FA2H: variants seen among roughly 807,000 people sequenced by gnomAD.
FA2H encodes the protein fatty acid alpha-hydroxylase.
In FA2H, 22 loss-of-function variants were observed where a neutral mutation model predicts 44.9. The ratio of observed to expected loss-of-function variants is 0.49; its 90% CI spans 0.35 to 0.70. The LOEUF is 0.70. Among genes scored for constraint, FA2H ranks in the 30% least tolerant of loss-of-function variants. The probability of loss-of-function intolerance (pLI) is 0.01; values close to 1 mark genes in which losing one functional copy is unlikely to be tolerated. For synonymous variants in FA2H, 243 were observed against 213.2 expected (o/e 1.14, Z -1.22); for missense variants, 501 against 504.9 (o/e 0.99, Z 0.07).
rs1275077538 is a variant in FA2H, at chr16:74,716,685, G to A, written c.787-86C>T. On this transcript the variant is annotated intron_variant, in intron 5 of 6. Coordinates refer to ENST00000219368, the MANE Select transcript of FA2H (RefSeq NM_024306.5). Reference sequence around the variant, plus strand: ...CCTGGCCACTCCCTGCAGAGGACAGGGGCACAGCGGCCCAGACATTCCACT... The same window carrying A: ...CCTGGCCACTCCCTGCAGAGGACAGAGGCACAGCGGCCCAGACATTCCACT... The A allele has an allele frequency of 7.7e-6, 11 of 1,433,762 alleles. No individual in the cohort carries two copies. In the South Asian group the frequency reaches 8.4e-5, roughly 11 times the overall value. 88.8% of individuals were successfully genotyped at this position (1,433,762 alleles called of 1,614,324 possible).
intron 1 of FA2H, among the ~76,000 whole-genome samples, chr16:74,745,336 G>A (rs554203752): frequency 1.2e-3 from 180 of 152,336 alleles, no homozygotes; most frequent in Non-Finnish European, 2.3e-3. Context: ...CACAGGCTTG[G>A]CCCTGCCAAT....
At position 74,724,836 on chromosome 16, in the gene FA2H, C is replaced by T. The variant is rs541277234; in HGVS notation, c.613+1389G>A. ...CTCTCCTATAGGTCAAGCCTCTGCC[C>T]GCCCCCTCACCCCAGCATCACCCCT... is the stretch of plus-strand genomic sequence containing the variant. On this transcript the variant is annotated intron_variant, in intron 4 of 6. Coordinates refer to ENST00000219368, the MANE Select transcript of FA2H (RefSeq NM_024306.5). Among the ~76,000 whole-genome samples, 6 of 152,290 alleles carry T rather than the reference C, an allele frequency of 3.9e-5. No homozygotes were observed. The East Asian group carries it at 5.8e-4, about 15-fold the overall frequency.
At chr16:74,717,178 A>G (rs1287534734) in intron 5 of FA2H, 1 of 153,048 alleles carries the variant, frequency 6.5e-6, no homozygotes, top group South Asian at 2.1e-4. Context: ...ACCAGAGAAC[A>G]CCGCTTCACC....
chr16:74,772,330 T>C (rs777204601), intron 1 of FA2H, among the ~76,000 whole-genome samples: 34 of 152,224 alleles, frequency 2.2e-4, no homozygotes, highest in Non-Finnish European at 4.7e-4. Context: ...TCAATGTCGC[T>C]TTCTCAAGAA....
intron 1 of FA2H, among the ~76,000 whole-genome samples, chr16:74,740,914 CA>C (rs887191947): frequency 1.3e-5 from 2 of 152,054 alleles, no homozygotes; most frequent in African/African-American, 2.4e-5. Context: ...CACATACCCA[CA>C]AGAAAGAAAG....
intron 2 of FA2H, among the ~76,000 whole-genome samples, chr16:74,734,121 G>A (rs1018294932): frequency 2.0e-5 from 3 of 152,214 alleles, no homozygotes; most frequent in Admixed American, 6.5e-5. Flanking sequence ...CCCAAGGCTC[G>A]GGGGACAGAG....
intron 6 of FA2H, 57 bp downstream of exon 6, chr16:74,716,290 T>A: frequency 6.3e-7 from 1 of 1,593,750 alleles, no homozygotes. Flanking sequence ...CGATGGTAGT[T>A]GGCAAATAAA....
intron 6 of FA2H, among the ~76,000 whole-genome samples, chr16:74,715,995 T>G (rs1307553249): frequency 2.6e-5 from 4 of 152,044 alleles, no homozygotes; most frequent in Admixed American, 1.3e-4. Flanking sequence ...TTTGTATTTC[T>G]AGTGGAGACA....
At chr16:74,720,180 CTTTTTTTTTTT>C (rs56341013) in intron 4 of FA2H, among the ~76,000 whole-genome samples, 18 of 47,244 alleles carry the variant, frequency 3.8e-4, no homozygotes, top group South Asian at 1.6e-3. Flanking sequence ...CATCCTCATC[CTTTTTTTTTTT>C]TTTTTTTTTT....
At chr16:74,725,885 A>G in intron 4 of FA2H, 1 of 362,432 alleles carries the variant, frequency 2.8e-6, no homozygotes, top group Non-Finnish European at 5.4e-6. Flanking sequence ...AAGTGATTTC[A>G]TTTAGTTTCT....
chr16:74,715,985 T>G (rs1400160236), intron 6 of FA2H, among the ~76,000 whole-genome samples: 1 of 152,026 alleles, frequency 6.6e-6, no homozygotes, highest in Non-Finnish European at 1.5e-5. Context: ...CCCGCTAATT[T>G]TTGTATTTCT....
chr16:74,761,850 AC>A (rs1456459234), intron 1 of FA2H, among the ~76,000 whole-genome samples: 1 of 152,196 alleles, frequency 6.6e-6, no homozygotes, highest in Non-Finnish European at 1.5e-5. Context: ...TTGACTCACA[AC>A]TCCATTGCCA....
At chr16:74,726,361 T>C in intron 3 of FA2H, 30 bp from the exon 4 acceptor site, 1 of 1,360,758 alleles carries the variant, frequency 7.3e-7, no homozygotes, top group Non-Finnish European at 1.1e-6. Context: ...GTGAGAGAGA[T>C]ACATGCACAG....
At chr16:74,741,462 A>C (rs1962293112) in intron 1 of FA2H, among the ~76,000 whole-genome samples, 1 of 151,908 alleles carries the variant, frequency 6.6e-6, no homozygotes, top group African/African-American at 2.4e-5. Context: ...TCATCAAGCT[A>C]ATATCTGAAT....
At chr16:74,728,115 T>A (rs569964942) in intron 2 of FA2H, among the ~76,000 whole-genome samples, 2 of 152,128 alleles carry the variant, frequency 1.3e-5, no homozygotes, top group Non-Finnish European at 2.9e-5. Context: ...TGAGCCTCAG[T>A]TTCCCCAGCT....
At chr16:74,737,724 C>A (rs1962209525) in intron 2 of FA2H, among the ~76,000 whole-genome samples, 1 of 152,194 alleles carries the variant, frequency 6.6e-6, no homozygotes, top group Non-Finnish European at 1.5e-5. Flanking sequence ...CACCAGCAAG[C>A]CCTTCTGCCC....
intron 6 of FA2H, among the ~76,000 whole-genome samples, chr16:74,714,499 C>T (rs778761607): frequency 6.6e-6 from 1 of 152,138 alleles, no homozygotes; most frequent in African/African-American, 2.4e-5. Context: ...ATCTGGCCTT[C>T]GTTTCTAGGC....
In FA2H at chr16:74,713,983, G is replaced by A; in HGVS notation, c.*207C>T. 1 of 576,182 alleles carries A rather than the reference G, an allele frequency of 1.7e-6. No homozygotes were observed. Among genetic ancestry groups the A allele is most frequent in the Non-Finnish European group, 3.1e-6 (1 of 321,872 alleles). 35.7% of individuals were successfully genotyped at this position (576,182 alleles called of 1,614,324 possible). A position where few individuals can be genotyped will look rare whatever the true frequency, so the allele number is the denominator to read the frequency against. ...GAAGTGGGTCACCAAGGGCCACCTG[G>A]CCACCAAGTGGATGTGACCCTCCTA... On this transcript the variant is annotated 3_prime_UTR_variant, in exon 7 of 7. Transcript: ENST00000219368.
intron 1 of FA2H, among the ~76,000 whole-genome samples, chr16:74,773,656 C>G (rs1239643251): frequency 6.6e-6 from 1 of 152,192 alleles, no homozygotes; most frequent in African/African-American, 2.4e-5. Context: ...CACTATTTAG[C>G]TATTTGACCT....
Sources: gnomAD v4.1 joint callset for allele counts (sites outside exome capture counted in the v4.1 genomes callset) on GRCh38, gnomAD v4.1.1 for gene constraint, MANE v1.5 for transcripts, NCBI Gene and HGNC (gene_info 2026-07-23, HGNC 2026-07-21) for gene names.